The following VRK1 variants were observed in gnomAD, a reference collection of about 807,000 sequenced individuals.
The protein encoded by VRK1 is serine/threonine-protein kinase VRK1.
A neutral mutation model predicts 57.1 loss-of-function variants in VRK1; 33 were observed. The ratio of observed to expected loss-of-function variants is 0.58; its 90% CI spans 0.44 to 0.77. The LOEUF (loss-of-function observed/expected upper bound fraction) is 0.77. Ranked by LOEUF, VRK1 falls within the 30% of genes least tolerant of loss-of-function variation. VRK1 has a pLI of 0.00. For synonymous variants in VRK1, 137 were observed against 147.8 expected, an observed-to-expected ratio of 0.93 and a Z score of 0.53; for missense variants, 413 against 477.3, an observed-to-expected ratio of 0.87 and a Z score of 1.25.
At chr14:96,865,618 A>G (rs1252625875) in intron 11 of VRK1, among the ~76,000 whole-genome samples, 1 of 152,212 alleles carries the variant, frequency 6.6e-6, no homozygotes, top group African/African-American at 2.4e-5. Context: ...AAGAACTGAC[A>G]TCTTCTCTTC....
rs1277178765 is a variant in VRK1, at chr14:96,881,293, G to GT, written c.*86dup. On this transcript the variant is annotated 3_prime_UTR_variant, in exon 13 of 13. Coordinates refer to ENST00000216639, the MANE Select transcript of VRK1 (RefSeq NM_003384.3). The stretch of plus-strand genomic sequence containing the variant: ...TCTATTTGAACTGTTTTATTTTCCT[G>GT]TGAGTCTTGCGAGGTGGAAGTAATG... 4.6e-6 allele frequency: 6 copies of GT among 1,295,844 alleles called. No homozygotes were observed. The highest frequency in any genetic ancestry group is 6.5e-6 in the Non-Finnish European group (6 of 921,794). The allele number at this position is 1,295,844 out of a possible 1,614,324, so 80.3% of individuals were successfully genotyped here. A position where few individuals can be genotyped will look rare whatever the true frequency, so the allele number is the denominator to read the frequency against.
At chr14:96,848,522 C>G (rs1465355258) in intron 5 of VRK1, among the ~76,000 whole-genome samples, 5 of 152,090 alleles carry the variant, frequency 3.3e-5, no homozygotes. Context: ...ACTTGGGATC[C>G]ATGCCTCTCT....
chr14:96,797,854 C>G (rs910893688), intron 1 of VRK1, among the ~76,000 whole-genome samples: 4 of 152,248 alleles, frequency 2.6e-5, no homozygotes, highest in African/African-American at 9.6e-5. Flanking sequence ...GCAGAGCTCA[C>G]TCTGTAGAAG....
At chr14:96,810,280 ACT>A (rs1466500015) in intron 1 of VRK1, among the ~76,000 whole-genome samples, 2 of 151,908 alleles carry the variant, frequency 1.3e-5, no homozygotes, top group African/African-American at 2.4e-5. Flanking sequence ...TTGTCATTTC[ACT>A]CTCATAAAGT....
intron 5 of VRK1, among the ~76,000 whole-genome samples, chr14:96,852,625 C>G (rs562247148): frequency 6.2e-4 from 95 of 152,266 alleles, no homozygotes; most frequent in Non-Finnish European, 1.1e-3. Flanking sequence ...GGAAGAGGCC[C>G]TCCAGGTAAA....
At chr14:96,851,140 ATT>A (rs771195713) in intron 5 of VRK1, among the ~76,000 whole-genome samples, 7 of 145,638 alleles carry the variant, frequency 4.8e-5, no homozygotes, top group Non-Finnish European at 7.6e-5. Context: ...TTTGTCACAA[ATT>A]TTTTTTTTTT....
chr14:96,833,537 A>T lies in VRK1; in HGVS notation c.66A>T (p.Gln22His). Residue 22 changes from glutamine to histidine, a missense_variant, in exon 2 of 13, where the codon CAA (glutamine) becomes CAT (histidine). Gln to His is a conservative substitution (Grantham distance 24). Around this residue, in one of 3 missense-constraint regions of VRK1, gnomAD observed 116 missense variants for 113.6 expected, o/e 1.02. Coordinates refer to ENST00000216639, the MANE Select transcript of VRK1 (RefSeq NM_003384.3). ...CTGCAAAGAGACATCTTGCAGAACA[A>T]TTTGCAGTTGGAGAGATAATAACTG... The part of the protein sequence containing the change: ...QSSAKRHLAE[Q>H]FAVGEIITDM... The T allele has an allele frequency of 6.2e-7, 1 of 1,613,850 alleles. No homozygotes were observed. The highest frequency in any genetic ancestry group is 8.5e-7 in the Non-Finnish European group (1 of 1,179,806).
At chr14:96,815,009 G>A (rs79770866) in intron 1 of VRK1, among the ~76,000 whole-genome samples, 12,630 of 152,178 alleles carry the variant, frequency 0.083, 687 homozygotes, top group Non-Finnish European at 0.13. Context: ...TTGACAGTAC[G>A]TGAGTATCCC....
At chr14:96,807,927 GTCTC>G (rs925226759) in intron 1 of VRK1, among the ~76,000 whole-genome samples, 6 of 150,490 alleles carry the variant, frequency 4.0e-5, no homozygotes, top group Admixed American at 3.3e-4. Flanking sequence ...CACTCTCTCT[GTCTC>G]TCTCTTTCTC....
At chr14:96,849,848 A>G (rs994703859) in intron 5 of VRK1, among the ~76,000 whole-genome samples, 4 of 152,162 alleles carry the variant, frequency 2.6e-5, no homozygotes, top group African/African-American at 7.2e-5. Flanking sequence ...CACCCATTTT[A>G]TGATAAAGTT....
chr14:96,836,465 T>C (rs190162989), intron 2 of VRK1, among the ~76,000 whole-genome samples: 1 of 151,620 alleles, frequency 6.6e-6, no homozygotes, highest in East Asian at 1.9e-4. Context: ...TTCCCCCAGC[T>C]ACTTTTGCCT....
intron 1 of VRK1, among the ~76,000 whole-genome samples, chr14:96,826,204 T>C (rs1052968037): frequency 6.6e-6 from 1 of 152,214 alleles, no homozygotes; most frequent in African/African-American, 2.4e-5. Flanking sequence ...TGGAATGTTA[T>C]CTGAAAAACA....
At chr14:96,819,907 C>G (rs1194869717) in intron 1 of VRK1, among the ~76,000 whole-genome samples, 1 of 152,174 alleles carries the variant, frequency 6.6e-6, no homozygotes, top group Non-Finnish European at 1.5e-5. Flanking sequence ...TGGGCCCTTT[C>G]TGTTGACGAA....
At chr14:96,805,190 AATG>A (rs1885823032) in intron 1 of VRK1, among the ~76,000 whole-genome samples, 1 of 152,220 alleles carries the variant, frequency 6.6e-6, no homozygotes, top group Non-Finnish European at 1.5e-5. Flanking sequence ...CTATACAGAG[AATG>A]ATGATGACCA....
chr14:96,858,458 A>G (rs1888254882), intron 10 of VRK1, among the ~76,000 whole-genome samples: 1 of 152,156 alleles, frequency 6.6e-6, no homozygotes, highest in Non-Finnish European at 1.5e-5. Context: ...TATTGTAGTT[A>G]CATACCATTA....
chr14:96,827,395 C>T (rs1413238221), intron 1 of VRK1, among the ~76,000 whole-genome samples: 5 of 151,832 alleles, frequency 3.3e-5, no homozygotes, highest in Admixed American at 6.6e-5. Flanking sequence ...TTTTTTTGTT[C>T]GTTTGTTTGT....
intron 3 of VRK1, among the ~76,000 whole-genome samples, chr14:96,844,741 C>A (rs1045233136): frequency 6.6e-6 from 1 of 152,116 alleles, no homozygotes; most frequent in Non-Finnish European, 1.5e-5. Context: ...GGGGTTTCAC[C>A]ATGTTGGCCA....
chr14:96,824,650 G>A (rs917794782), intron 1 of VRK1, among the ~76,000 whole-genome samples: 2 of 151,794 alleles, frequency 1.3e-5, no homozygotes, highest in Admixed American at 1.3e-4. Flanking sequence ...TAGCAGAGGG[G>A]GATTAAAAAC....
At chr14:96,862,687 C>T (rs1305240266) in intron 11 of VRK1, among the ~76,000 whole-genome samples, 1 of 151,888 alleles carries the variant, frequency 6.6e-6, no homozygotes, top group African/African-American at 2.4e-5. Flanking sequence ...AAAGCTTTCT[C>T]CTTTGAGAAA....
Sources: gnomAD v4.1 joint callset for allele counts (sites outside exome capture counted in the v4.1 genomes callset) on GRCh38, gnomAD v4.1.1 for gene constraint, gnomAD v4.1.1 regional missense constraint, MANE v1.5 for transcripts, NCBI Gene and HGNC (gene_info 2026-07-23, HGNC 2026-07-21) for gene names.